Variants in ARHGAP15 observed in about 807,000 individuals in gnomAD.
ARHGAP15 encodes the protein Rho GTPase activating protein 15, also known as rho GTPase-activating protein 15.
ARHGAP15 carries 51 observed loss-of-function variants against 63.7 expected under a neutral mutation model. That is an observed-to-expected ratio of 0.80 (90% confidence interval 0.64 to 1.01). ARHGAP15 has a LOEUF of 1.01. Ranked by LOEUF, ARHGAP15 falls within the 50% of genes least tolerant of loss-of-function variation. ARHGAP15 has a pLI of 0.00. For synonymous variants in ARHGAP15, 191 were observed against 193.8 expected (o/e 0.99, Z 0.12); for missense variants, 560 against 564.6 (o/e 0.99, Z 0.08).
At chr2:143,702,754 A>G (rs2105421403) in intron 12 of ARHGAP15, among the ~76,000 whole-genome samples, 1 of 152,194 alleles carries the variant, frequency 6.6e-6, no homozygotes, top group South Asian at 2.1e-4. Flanking sequence ...ATTCCTTAGA[A>G]AGCAGCCCCT....
At chr2:143,284,771 A>G (rs1176474027) in intron 6 of ARHGAP15, among the ~76,000 whole-genome samples, 1 of 152,228 alleles carries the variant, frequency 6.6e-6, no homozygotes, top group Non-Finnish European at 1.5e-5. Context: ...CAGAAACTAC[A>G]AAAAGTAATC....
At position 143,202,820 on chromosome 2, in the gene ARHGAP15, G is replaced by A. The variant is rs191761553; in HGVS notation, c.234+618G>A. On this transcript the variant is annotated intron_variant, in intron 3 of 13. Coordinates refer to ENST00000295095, the MANE Select transcript of ARHGAP15 (RefSeq NM_018460.4). ...AAAAAAATTAATCGACTCAACATCC[G>A]TAAGAATGGCACTTTTTTCCATGTT... Among the ~76,000 whole-genome samples, 57 of 152,090 alleles carry A rather than the reference G, an allele frequency of 3.7e-4. 1 individual carries two copies. In the East Asian group the frequency reaches 5.4e-3, roughly 14 times the overall value.
chr2:143,354,177 T>C (rs923179529), intron 6 of ARHGAP15, among the ~76,000 whole-genome samples: 3 of 152,118 alleles, frequency 2.0e-5, no homozygotes, highest in African/African-American at 7.2e-5. Context: ...CAGAGGGAAC[T>C]GGTAAGCTCT....
At chr2:143,527,665 T>C (rs59243338) in intron 10 of ARHGAP15, among the ~76,000 whole-genome samples, 27,285 of 151,980 alleles carry the variant, frequency 0.18, 3,019 homozygotes, top group Middle Eastern at 0.28. Flanking sequence ...AGGGTGTAAG[T>C]ATATCTTATA....
intron 13 of ARHGAP15, among the ~76,000 whole-genome samples, chr2:143,707,939 A>C (rs1684405763): frequency 6.6e-6 from 1 of 152,216 alleles, no homozygotes; most frequent in Non-Finnish European, 1.5e-5. Flanking sequence ...ATATTTACTA[A>C]AATGTTGATA....
At chr2:143,555,007 A>G (rs1695729449) in intron 10 of ARHGAP15, among the ~76,000 whole-genome samples, 1 of 152,200 alleles carries the variant, frequency 6.6e-6, no homozygotes, top group Non-Finnish European at 1.5e-5. Context: ...TTCTAGAACT[A>G]TAAAGTCACA....
At chr2:143,292,886 A>G (rs1016834884) in intron 6 of ARHGAP15, among the ~76,000 whole-genome samples, 8 of 152,194 alleles carry the variant, frequency 5.3e-5, no homozygotes, top group Admixed American at 1.3e-4. Flanking sequence ...AGAAATATAT[A>G]TCGACCTCAT....
intron 12 of ARHGAP15, among the ~76,000 whole-genome samples, chr2:143,642,258 A>AT (rs989656413): frequency 1.2e-4 from 18 of 151,142 alleles, no homozygotes; most frequent in African/African-American, 2.9e-4. Context: ...ATTTGTAGTG[A>AT]TTTTTTTTTA....
At chr2:143,757,395 C>T (rs1686616513) in intron 13 of ARHGAP15, among the ~76,000 whole-genome samples, 1 of 152,024 alleles carries the variant, frequency 6.6e-6, no homozygotes, top group African/African-American at 2.4e-5. Context: ...ACTGTAATCC[C>T]AGCTACTTGG....
chr2:143,431,514 CAACG>C (rs1689388389), intron 6 of ARHGAP15, among the ~76,000 whole-genome samples: 1 of 151,990 alleles, frequency 6.6e-6, no homozygotes, highest in African/African-American at 2.4e-5. Context: ...CTGATACAAT[CAACG>C]TTTAAAGAAT....
At chr2:143,618,831 TCC>T (rs993468260) in intron 11 of ARHGAP15, among the ~76,000 whole-genome samples, 7 of 114,950 alleles carry the variant, frequency 6.1e-5, no homozygotes, top group African/African-American at 2.0e-4. Context: ...AGGGGTAAAC[TCC>T]TTTTTTTTTT....
chr2:143,610,260 T>C (rs1698200082), intron 11 of ARHGAP15, among the ~76,000 whole-genome samples: 1 of 152,174 alleles, frequency 6.6e-6, no homozygotes. Context: ...GGAAGTTTAT[T>C]CAATGCCTTA....
chr2:143,617,548 A>C (rs1698496065), intron 11 of ARHGAP15, among the ~76,000 whole-genome samples: 1 of 152,150 alleles, frequency 6.6e-6, no homozygotes, highest in Non-Finnish European at 1.5e-5. Context: ...GACACCATAC[A>C]TATTGGATGG....
intron 2 of ARHGAP15, among the ~76,000 whole-genome samples, chr2:143,166,604 A>G (rs1479034373): frequency 6.6e-6 from 1 of 152,078 alleles, no homozygotes; most frequent in East Asian, 1.9e-4. Flanking sequence ...CCACCTCTTC[A>G]AACTAGTATT....
intron 12 of ARHGAP15, among the ~76,000 whole-genome samples, chr2:143,626,555 C>T (rs984072965): frequency 6.6e-6 from 1 of 152,060 alleles, no homozygotes; most frequent in African/African-American, 2.4e-5. Context: ...GGAAGGGGAC[C>T]CCAGCGGGTT....
intron 6 of ARHGAP15, among the ~76,000 whole-genome samples, chr2:143,369,162 G>A (rs936383901): frequency 6.6e-6 from 1 of 152,122 alleles, no homozygotes; most frequent in Non-Finnish European, 1.5e-5. Flanking sequence ...TTCCACATTT[G>A]CATACTATGT....
At chr2:143,425,984 ACAG>A (rs1255348130) in intron 6 of ARHGAP15, among the ~76,000 whole-genome samples, 1 of 152,168 alleles carries the variant, frequency 6.6e-6, no homozygotes, top group Non-Finnish European at 1.5e-5. Flanking sequence ...ATATAACTTG[ACAG>A]CAGAGAAGGA....
intron 8 of ARHGAP15, among the ~76,000 whole-genome samples, chr2:143,461,159 G>T (rs79035704): frequency 1.3e-5 from 2 of 151,280 alleles, no homozygotes; most frequent in Non-Finnish European, 2.9e-5. Flanking sequence ...GCACGGTGGC[G>T]CACACCTGTA....
chr2:143,450,911 C>G (rs1690375630), intron 8 of ARHGAP15, among the ~76,000 whole-genome samples: 2 of 151,904 alleles, frequency 1.3e-5, no homozygotes, highest in African/African-American at 4.8e-5. Context: ...ACAGTTTAAA[C>G]TTGGTTCTTA....
Sources: allele counts gnomAD v4.1 joint callset (sites outside exome capture counted in the v4.1 genomes callset), GRCh38; gene constraint gnomAD v4.1.1; transcripts MANE v1.5; gene names NCBI Gene and HGNC (gene_info 2026-07-23, HGNC 2026-07-21).